BMPR1A: variants seen among roughly 807,000 people sequenced by gnomAD.
BMPR1A encodes bone morphogenetic protein receptor type 1A.
BMPR1A carries 7 observed loss-of-function variants against 66.0 expected under a neutral mutation model. The observed-to-expected ratio is 0.11, with a 90% CI of 0.06 to 0.20. The LOEUF (loss-of-function observed/expected upper bound fraction) is 0.20, where lower values mean the gene tolerates loss of function less well. BMPR1A is among the 10% of genes least tolerant of loss of function. The pLI, the probability that BMPR1A is intolerant of heterozygous loss-of-function variation, is 1.00. For missense variants in BMPR1A, 408 were observed against 669.1 expected, an observed-to-expected ratio of 0.61 and a Z score of 4.31; for synonymous variants, 200 against 229.7, an observed-to-expected ratio of 0.87 and a Z score of 1.17.
chr10:86,884,066 G>A (rs376072114), intron 3 of BMPR1A, among the ~76,000 whole-genome samples: 2 of 151,776 alleles, frequency 1.3e-5, no homozygotes, highest in East Asian at 2.0e-4. Flanking sequence ...GTAGGGTTTC[G>A]CCATGTTGGC....
intron 3 of BMPR1A, among the ~76,000 whole-genome samples, chr10:86,876,421 C>A (rs1589757230): frequency 6.6e-6 from 1 of 152,256 alleles, no homozygotes; most frequent in East Asian, 1.9e-4. Flanking sequence ...ATAGGTAGTC[C>A]AGGCTGAGCT....
intron 1 of BMPR1A, among the ~76,000 whole-genome samples, chr10:86,762,382 G>A (rs1415580363): frequency 1.3e-5 from 2 of 152,124 alleles, no homozygotes; most frequent in East Asian, 1.9e-4. Flanking sequence ...TTTTTGAGAC[G>A]GAGTCTTGCT....
At chr10:86,901,969 A>G (rs867540724) in intron 7 of BMPR1A, among the ~76,000 whole-genome samples, 1 of 151,998 alleles carries the variant, frequency 6.6e-6, no homozygotes, top group Non-Finnish European at 1.5e-5. Context: ...AGCGATACTC[A>G]TGCCTCAGCC....
chr10:86,815,116 A>G (rs966575305), intron 1 of BMPR1A, among the ~76,000 whole-genome samples: 2 of 152,048 alleles, frequency 1.3e-5, no homozygotes, highest in African/African-American at 4.8e-5. Context: ...CTTCTATGAG[A>G]TTTGGATCTG....
chr10:86,803,948 T>C (rs1282008461), intron 1 of BMPR1A, among the ~76,000 whole-genome samples: 1 of 152,162 alleles, frequency 6.6e-6, no homozygotes, highest in Non-Finnish European at 1.5e-5. Context: ...CTTTTTTGAC[T>C]TTCAGTAAAG....
chr10:86,883,527 G>T (rs930568932), intron 3 of BMPR1A, among the ~76,000 whole-genome samples: 19 of 137,642 alleles, frequency 1.4e-4, no homozygotes, highest in African/African-American at 4.8e-4. Context: ...TCTAGCCTGG[G>T]CGACAGAGCG....
chr10:86,844,775 T>TTTTA lies in BMPR1A; in HGVS notation c.-153+5813_-153+5816dup, dbSNP rs771614164. On this transcript the variant is annotated intron_variant, in intron 2 of 12. Coordinates refer to ENST00000372037, the MANE Select transcript of BMPR1A (RefSeq NM_004329.3). Reference sequence around the variant, plus strand: ...TCAGGCTTTGTGTTGAACTATTATTTTTTATTTATTTATTTATTTAGATGG... The same window carrying TTTTA: ...TCAGGCTTTGTGTTGAACTATTATTTTTTATTTATTTATTTATTTATTTAGATGG... 7.2e-5 allele frequency among the ~76,000 whole-genome samples: 11 copies of TTTTA among 152,270 alleles called. No individual in the cohort carries two copies. The South Asian group carries it at 1.5e-3, about 20-fold the overall frequency.
intron 1 of BMPR1A, among the ~76,000 whole-genome samples, chr10:86,814,345 TCTC>T (rs1349653884): frequency 1.3e-5 from 2 of 152,088 alleles, no homozygotes; most frequent in African/African-American, 4.8e-5. Context: ...TGTTGCTTGT[TCTC>T]CTGCTTTTGC....
chr10:86,924,859 T>C lies in BMPR1A; in HGVS notation c.*1140T>C. 1 of 232,438 alleles carries C rather than the reference T, an allele frequency of 4.3e-6. No individual in the cohort carries two copies. Among genetic ancestry groups the C allele is most frequent in the Non-Finnish European group, 8.5e-6 (1 of 117,576 alleles). The allele number at this position is 232,438 out of a possible 1,614,324, so 14.4% of individuals were successfully genotyped here. ...AAATGTTATAAAGTAGAACTAAATA[T>C]AAATTTTCAGAATTAATGCATTCAA... On this transcript the variant is annotated 3_prime_UTR_variant, in exon 13 of 13. Coordinates refer to ENST00000372037, the MANE Select transcript of BMPR1A (RefSeq NM_004329.3).
At chr10:86,837,327 C>T (rs913781325) in intron 1 of BMPR1A, among the ~76,000 whole-genome samples, 27 of 151,590 alleles carry the variant, frequency 1.8e-4, no homozygotes, top group Non-Finnish European at 3.2e-4. Context: ...ACCTCAGCCT[C>T]CCAAAGTGCT....
intron 2 of BMPR1A, among the ~76,000 whole-genome samples, chr10:86,875,237 G>A (rs1842906326): frequency 6.6e-6 from 1 of 151,932 alleles, no homozygotes; most frequent in African/African-American, 2.4e-5. Context: ...GCCGAGTGTG[G>A]TGGTGCACAC....
chr10:86,919,098 A>G (rs1843619402), intron 9 of BMPR1A, 74 bp from the exon 10 acceptor site: 1 of 1,561,286 alleles, frequency 6.4e-7, no homozygotes, highest in Non-Finnish European at 8.8e-7. Context: ...TTTTCTCAGT[A>G]TCCAGAATGA....
chr10:86,764,612 T>C (rs189695504), intron 1 of BMPR1A, among the ~76,000 whole-genome samples: 12 of 152,366 alleles, frequency 7.9e-5, no homozygotes, highest in East Asian at 3.9e-4. Context: ...CCAGAATATC[T>C]TGGACTGGTC....
At chr10:86,886,655 G>A (rs1461506813) in intron 3 of BMPR1A, among the ~76,000 whole-genome samples, 3 of 152,066 alleles carry the variant, frequency 2.0e-5, no homozygotes, top group African/African-American at 2.4e-5. Context: ...AGAGCACAGA[G>A]AGGCTCTTTC....
At position 86,837,188 on chromosome 10, in the gene BMPR1A, T is replaced by G. The variant is rs1842360587; in HGVS notation, c.-267-1677T>G. On this transcript the variant is annotated intron_variant, in intron 1 of 12. Coordinates refer to ENST00000372037, the MANE Select transcript of BMPR1A (RefSeq NM_004329.3). The stretch of plus-strand genomic sequence containing the variant: ...TTGGTAAGTAGTTTACATGTTAATT[T>G]TATAATGATACATTGGAAATATCTG... 2.0e-5 allele frequency among the ~76,000 whole-genome samples: 3 copies of G among 152,082 alleles called. No homozygotes were observed. The South Asian group carries it at 6.2e-4, about 31-fold the overall frequency.
intron 1 of BMPR1A, among the ~76,000 whole-genome samples, chr10:86,786,967 C>T (rs942922270): frequency 2.6e-5 from 4 of 152,038 alleles, no homozygotes; most frequent in Non-Finnish European, 2.9e-5. Flanking sequence ...TTTAATCAGG[C>T]GGCTAGCTAG....
At chr10:86,762,270 AGGT>A (rs1841074224) in intron 1 of BMPR1A, among the ~76,000 whole-genome samples, 1 of 152,244 alleles carries the variant, frequency 6.6e-6, no homozygotes, top group Non-Finnish European at 1.5e-5. Context: ...CATAGGTTAT[AGGT>A]TATAGAATTA....
At chr10:86,850,802 A>T (rs1842555813) in intron 2 of BMPR1A, among the ~76,000 whole-genome samples, 1 of 152,142 alleles carries the variant, frequency 6.6e-6, no homozygotes, top group Non-Finnish European at 1.5e-5. Flanking sequence ...CACCTGGCCT[A>T]AAGTTCTCCT....
chr10:86,879,425 G>A (rs571821157), intron 3 of BMPR1A, among the ~76,000 whole-genome samples: 4 of 152,310 alleles, frequency 2.6e-5, no homozygotes, highest in Admixed American at 2.0e-4. Flanking sequence ...TTAGACCAAC[G>A]ATTATCTCTG....
Sources: gnomAD v4.1 joint callset for allele counts (sites outside exome capture counted in the v4.1 genomes callset) on GRCh38, gnomAD v4.1.1 for gene constraint, MANE v1.5 for transcripts, NCBI Gene and HGNC (gene_info 2026-07-23, HGNC 2026-07-21) for gene names.